Variants in CHRNA7 observed in about 807,000 individuals in gnomAD.
CHRNA7 encodes the protein neuronal acetylcholine receptor subunit alpha-7.
CHRNA7 carries 17 observed loss-of-function variants against 48.0 expected under a neutral mutation model. That is an observed-to-expected ratio of 0.35 (90% CI 0.24 to 0.53). The LOEUF (loss-of-function observed/expected upper bound fraction) is 0.53, where lower values mean the gene tolerates loss of function less well. Among genes scored for constraint, CHRNA7 ranks in the 20% least tolerant of loss-of-function variants. The pLI is 0.92. For synonymous variants in CHRNA7, 75 were observed against 242.3 expected (o/e 0.31, Z 6.41); for missense variants, 155 against 577.7 (o/e 0.27, Z 7.50).
At chr15:32,034,866 CAG>C (rs1902009426) in intron 2 of CHRNA7, among the ~76,000 whole-genome samples, 2 of 152,062 alleles carry the variant, frequency 1.3e-5, no homozygotes, top group Admixed American at 6.5e-5. Flanking sequence ...GGTCGTTAAA[CAG>C]GGGAGGGAAG....
chr15:32,042,305 C>T (rs1006988111), intron 2 of CHRNA7, among the ~76,000 whole-genome samples: 3 of 152,150 alleles, frequency 2.0e-5, no homozygotes, highest in African/African-American at 7.2e-5. Flanking sequence ...CAGTATTTCC[C>T]TTCCCTTGTG....
Position 32,168,755 on chromosome 15 carries a change from AGC to A in CHRNA7, c.*298_*299del. 7.7e-5 allele frequency: 3 copies of A among 38,978 alleles called. No homozygotes were observed. Among genetic ancestry groups the A allele is most frequent in the African/African-American group, 2.6e-4 (1 of 3,870 alleles). The allele number at this position is 38,978 out of a possible 1,614,324, so 2.4% of individuals were successfully genotyped here. Reference sequence around the variant, plus strand: ...CCACTGCCTGGAAAGCCCTTCGGAGAGCTCCCCATGGCTCCTCACCACCGAGA... The same window carrying A: ...CCACTGCCTGGAAAGCCCTTCGGAGATCCCCATGGCTCCTCACCACCGAGA... On this transcript the variant is annotated 3_prime_UTR_variant, in exon 10 of 10. Coordinates refer to ENST00000306901, the MANE Select transcript of CHRNA7 (RefSeq NM_000746.6).
At chr15:32,033,473 A>G (rs883473) in intron 2 of CHRNA7, among the ~76,000 whole-genome samples, 86,875 of 152,144 alleles carry the variant, frequency 0.57, 28,112 homozygotes, top group Non-Finnish European at 0.72. Flanking sequence ...TTTGTCTTTC[A>G]TCTGCTGCTT....
chr15:32,096,681 A>G (rs956322769), intron 2 of CHRNA7, among the ~76,000 whole-genome samples: 2 of 152,140 alleles, frequency 1.3e-5, no homozygotes, highest in African/African-American at 4.8e-5. Context: ...GTAAAATCAC[A>G]TGGAATGATG....
At chr15:32,118,023 C>T (rs2050902941) in intron 4 of CHRNA7, among the ~76,000 whole-genome samples, 2 of 152,106 alleles carry the variant, frequency 1.3e-5, no homozygotes, top group Admixed American at 1.3e-4. Flanking sequence ...AGAGGTGGGA[C>T]CTTTGAAGGC....
At chr15:32,131,401 T>C (rs2051155060) in intron 4 of CHRNA7, among the ~76,000 whole-genome samples, 1 of 152,112 alleles carries the variant, frequency 6.6e-6, no homozygotes, top group Non-Finnish European at 1.5e-5. Flanking sequence ...GTTGCTCCGA[T>C]TGCATAATTT....
chr15:32,106,909 TG>T (rs1456423535), intron 3 of CHRNA7, among the ~76,000 whole-genome samples: 1 of 152,180 alleles, frequency 6.6e-6, no homozygotes, highest in Non-Finnish European at 1.5e-5. Context: ...CATCATCACT[TG>T]ATCTCTGACA....
intron 2 of CHRNA7, among the ~76,000 whole-genome samples, chr15:32,059,805 C>T (rs1297334981): frequency 6.6e-6 from 1 of 151,436 alleles, no homozygotes; most frequent in Admixed American, 6.6e-5. Context: ...AAGCAGCAGA[C>T]CCACTTCATC....
At chr15:32,030,503 G>C, upstream of CHRNA7, 1 of 1,269,240 alleles carries the variant, frequency 7.9e-7, no homozygotes, top group Non-Finnish European at 1.0e-6. Context: ...CGCGCGAGCC[G>C]AGCGGCGAGG....
At chr15:32,090,890 T>G (rs747717331) in intron 2 of CHRNA7, among the ~76,000 whole-genome samples, 10 of 152,190 alleles carry the variant, frequency 6.6e-5, no homozygotes, top group Non-Finnish European at 1.2e-4. Context: ...TTTCATTGTG[T>G]CCTTCAAGTC....
intron 4 of CHRNA7, among the ~76,000 whole-genome samples, chr15:32,152,931 A>G (rs895823008): frequency 2.6e-5 from 4 of 152,072 alleles, no homozygotes; most frequent in African/African-American, 9.7e-5. Flanking sequence ...TGTGTCCTTT[A>G]TCCCAGTTGT....
chr15:32,109,828 G>A (rs761991416), intron 3 of CHRNA7, among the ~76,000 whole-genome samples: 4 of 152,200 alleles, frequency 2.6e-5, no homozygotes, highest in Non-Finnish European at 5.9e-5. Context: ...TGATCTGGCC[G>A]GGGAGGGGAT....
intron 4 of CHRNA7, among the ~76,000 whole-genome samples, chr15:32,128,842 T>C (rs1404552613): frequency 1.3e-5 from 2 of 151,946 alleles, no homozygotes; most frequent in South Asian, 2.1e-4. Flanking sequence ...TCTGATCTTA[T>C]GGCGAAAGCA....
At chr15:32,147,334 C>T (rs2051510123) in intron 4 of CHRNA7, among the ~76,000 whole-genome samples, 1 of 152,228 alleles carries the variant, frequency 6.6e-6, no homozygotes, top group Non-Finnish European at 1.5e-5. Context: ...ATACCCTAAA[C>T]TTCTGCATCG....
At chr15:32,144,879 A>G (rs2051455495) in intron 4 of CHRNA7, among the ~76,000 whole-genome samples, 1 of 152,082 alleles carries the variant, frequency 6.6e-6, no homozygotes, top group Non-Finnish European at 1.5e-5. Context: ...TTTAGCTTGG[A>G]GAAGTTTCTT....
intron 2 of CHRNA7, among the ~76,000 whole-genome samples, chr15:32,068,786 A>C (rs2050007263): frequency 1.3e-5 from 2 of 152,212 alleles, no homozygotes. Flanking sequence ...TGTAATAAAA[A>C]GTAAACTGGT....
intron 2 of CHRNA7, among the ~76,000 whole-genome samples, chr15:32,093,970 C>T (rs958769142): frequency 2.6e-5 from 4 of 152,118 alleles, no homozygotes; most frequent in African/African-American, 9.7e-5. Context: ...GAAGTTTTTC[C>T]AAAGACTGCA....
intron 4 of CHRNA7, among the ~76,000 whole-genome samples, chr15:32,127,682 A>C (rs1457317950): frequency 1.3e-5 from 2 of 151,916 alleles, no homozygotes; most frequent in Non-Finnish European, 1.5e-5. Context: ...TTTACTCTTG[A>C]GATTTAAGAG....
chr15:32,071,582 T>G (rs754462677), intron 2 of CHRNA7, among the ~76,000 whole-genome samples: 2 of 152,152 alleles, frequency 1.3e-5, no homozygotes, highest in Non-Finnish European at 2.9e-5. Context: ...GGTGTTTGGA[T>G]GATTGGAGCA....
Sources: allele counts gnomAD v4.1 joint callset (sites outside exome capture counted in the v4.1 genomes callset), GRCh38; gene constraint gnomAD v4.1.1; transcripts MANE v1.5; gene names NCBI Gene and HGNC (gene_info 2026-07-23, HGNC 2026-07-21).